The following CNTN3 variants were observed in gnomAD, a reference collection of about 807,000 sequenced individuals.
The protein encoded by CNTN3 is contactin 3.
In CNTN3, 60 loss-of-function variants were observed where a neutral mutation model predicts 119.1. The ratio of observed to expected loss-of-function variants is 0.50; its 90% CI spans 0.41 to 0.62. CNTN3 has a LOEUF of 0.62. Among genes scored for constraint, CNTN3 ranks in the 20% least tolerant of loss-of-function variants. The probability of loss-of-function intolerance (pLI) is 0.00; values close to 1 mark genes in which losing one functional copy is unlikely to be tolerated. For missense variants in CNTN3, 1,101 were observed against 1,242.4 expected, an observed-to-expected ratio of 0.89 and a Z score of 1.71; for synonymous variants, 450 against 438.7, an observed-to-expected ratio of 1.03 and a Z score of -0.32.
chr3:74,599,235 G>T (rs1200592122), intron 1 of CNTN3, among the ~76,000 whole-genome samples: 1 of 152,066 alleles, frequency 6.6e-6, no homozygotes, highest in Non-Finnish European at 1.5e-5. Context: ...GGATACAGGG[G>T]TAGCCAAGAA....
intron 4 of CNTN3, among the ~76,000 whole-genome samples, chr3:74,452,824 A>G (rs969900896): frequency 6.6e-6 from 1 of 151,784 alleles, no homozygotes; most frequent in African/African-American, 2.4e-5. Context: ...ACATTTACTG[A>G]TTTGCGTATA....
chr3:74,609,823 G>A (rs183277398), intron 1 of CNTN3, among the ~76,000 whole-genome samples: 1 of 152,248 alleles, frequency 6.6e-6, no homozygotes, highest in Non-Finnish European at 1.5e-5. Flanking sequence ...TAAAATAGAT[G>A]TGGTAACTGC....
At chr3:74,532,993 G>T (rs1703714669) in intron 1 of CNTN3, among the ~76,000 whole-genome samples, 5 of 152,050 alleles carry the variant, frequency 3.3e-5, no homozygotes, top group Admixed American at 3.3e-4. Flanking sequence ...TAGAAGTGAT[G>T]AACCCTATCC....
rs115661954 is a variant in CNTN3, at chr3:74,598,307, G to A, written c.-81+16084C>T. Among the ~76,000 whole-genome samples the A allele has an allele frequency of 7.9e-3, 1,203 of 151,992 alleles. 14 individuals are homozygous for A. The highest frequency in any genetic ancestry group is 0.028 in the African/African-American group (1,148 of 41,500). ...AAGCCATCCAGATCCCAGCCATTTC[G>A]GTTGCCCCACCGGAGGCACCAACCT... is the stretch of plus-strand genomic sequence containing the variant. On this transcript the variant is annotated intron_variant, in intron 1 of 22. Coordinates refer to ENST00000263665, the MANE Select transcript of CNTN3 (RefSeq NM_020872.3).
At chr3:74,490,280 A>C (rs1702938704) in intron 3 of CNTN3, among the ~76,000 whole-genome samples, 1 of 152,230 alleles carries the variant, frequency 6.6e-6, no homozygotes, top group South Asian at 2.1e-4. Flanking sequence ...CCAAATCAGA[A>C]AAGATGCAGT....
At chr3:74,416,542 T>C (rs931494453) in intron 5 of CNTN3, among the ~76,000 whole-genome samples, 2 of 152,128 alleles carry the variant, frequency 1.3e-5, no homozygotes, top group African/African-American at 4.8e-5. Context: ...GTGAGTGTGA[T>C]TGTAGCAGGG....
chr3:74,292,825 A>C (rs1420258520), intron 19 of CNTN3, among the ~76,000 whole-genome samples: 2 of 152,106 alleles, frequency 1.3e-5, no homozygotes, highest in Non-Finnish European at 2.9e-5. Context: ...CAGCCCCTAT[A>C]TCTTTACCTC....
intron 18 of CNTN3, among the ~76,000 whole-genome samples, chr3:74,296,018 C>T (rs368448129): frequency 6.6e-6 from 1 of 152,040 alleles, no homozygotes; most frequent in South Asian, 2.1e-4. Flanking sequence ...GTACTTGGAG[C>T]CCACTGATCC....
chr3:74,412,485 C>T (rs780021980), intron 5 of CNTN3, among the ~76,000 whole-genome samples: 12 of 152,006 alleles, frequency 7.9e-5, no homozygotes, highest in Non-Finnish European at 1.3e-4. Context: ...TTTTATGTAC[C>T]CCTGAATCTA....
chr3:74,436,895 T>C (rs796612998), intron 4 of CNTN3, among the ~76,000 whole-genome samples: 2 of 152,276 alleles, frequency 1.3e-5, no homozygotes, highest in African/African-American at 4.8e-5. Flanking sequence ...CTTATATAAA[T>C]AATAAAGTGA....
intron 1 of CNTN3, among the ~76,000 whole-genome samples, chr3:74,540,485 A>G (rs1703827383): frequency 6.6e-6 from 1 of 152,110 alleles, no homozygotes; most frequent in Non-Finnish European, 1.5e-5. Flanking sequence ...ACCTTAGTTA[A>G]CAACAGTCAG....
At position 74,262,611 on chromosome 3, in the gene CNTN3, A is replaced by C. The variant is rs1366468066; in HGVS notation, c.*1790T>G. The C allele has an allele frequency of 6.6e-6, 1 of 152,570 alleles. No homozygotes were observed. The highest frequency in any genetic ancestry group is 2.4e-5 in the African/African-American group (1 of 41,454). The allele number at this position is 152,570 out of a possible 1,614,324, so 9.5% of individuals were successfully genotyped here. ...TATTAGAATAGAAAATAATACATAC[A>C]GATAACCATAGGATACACACACAGG... On this transcript the variant is annotated 3_prime_UTR_variant, in exon 23 of 23. Transcript: ENST00000263665.
At chr3:74,595,866 AG>A (rs1704798532) in intron 1 of CNTN3, among the ~76,000 whole-genome samples, 1 of 152,148 alleles carries the variant, frequency 6.6e-6, no homozygotes, top group Non-Finnish European at 1.5e-5. Context: ...AAGGAAATAA[AG>A]GGTATTCAAT....
chr3:74,524,964 T>C (rs1315252505), intron 1 of CNTN3, among the ~76,000 whole-genome samples: 2 of 151,832 alleles, frequency 1.3e-5, no homozygotes, highest in Non-Finnish European at 2.9e-5. Context: ...CAGCGTGGTA[T>C]GAAATGAGAC....
chr3:74,351,426 T>C (rs767162778), intron 11 of CNTN3, among the ~76,000 whole-genome samples: 15 of 152,294 alleles, frequency 9.8e-5, no homozygotes, highest in South Asian at 4.1e-4. Context: ...CCTGGCCTCA[T>C]TTTCCAGTAA....
intron 13 of CNTN3, among the ~76,000 whole-genome samples, chr3:74,322,356 C>T (rs1703016652): frequency 6.6e-6 from 1 of 152,076 alleles, no homozygotes; most frequent in Non-Finnish European, 1.5e-5. Context: ...ACCAACACTT[C>T]ATCAAAGACT....
At position 74,319,397 on chromosome 3, in the gene CNTN3, C is replaced by G. The variant is rs566642903; in HGVS notation, c.1668+15338G>C. 4.0e-3 allele frequency among the ~76,000 whole-genome samples: 608 copies of G among 152,118 alleles called. 4 individuals carry two copies. Among genetic ancestry groups the G allele is most frequent in the African/African-American group, 0.014 (591 of 41,490 alleles). ...ACCATCTGATCTTTGACAAACCTGA[C>G]AAAAACAAGAAATGGGGAAAGGATT... On this transcript the variant is annotated intron_variant, in intron 13 of 22. Coordinates refer to ENST00000263665, the MANE Select transcript of CNTN3 (RefSeq NM_020872.3).
At chr3:74,552,661 T>G (rs1704008957) in intron 1 of CNTN3, among the ~76,000 whole-genome samples, 1 of 152,204 alleles carries the variant, frequency 6.6e-6, no homozygotes, top group South Asian at 2.1e-4. Flanking sequence ...TCTCAAATTG[T>G]AATCCCCACG....
At chr3:74,349,100 A>G (rs1168034666) in intron 11 of CNTN3, among the ~76,000 whole-genome samples, 2 of 152,076 alleles carry the variant, frequency 1.3e-5, no homozygotes, top group Non-Finnish European at 2.9e-5. Context: ...AAAAAAAAAA[A>G]AAGTTTTAGA....
Sources: allele counts gnomAD v4.1 joint callset (sites outside exome capture counted in the v4.1 genomes callset), GRCh38; gene constraint gnomAD v4.1.1; transcripts MANE v1.5; gene names NCBI Gene and HGNC (gene_info 2026-07-23, HGNC 2026-07-21).